The following PRSS12 variants were observed in gnomAD, a reference collection of about 807,000 sequenced individuals.
PRSS12 encodes serine protease 12, also known as neurotrypsin.
PRSS12 carries 85 observed loss-of-function variants against 104.4 expected under a neutral mutation model. The ratio of observed to expected loss-of-function variants is 0.81; its 90% CI spans 0.68 to 0.98. The LOEUF (loss-of-function observed/expected upper bound fraction) is 0.98, where lower values mean the gene tolerates loss of function less well. Among genes scored for constraint, PRSS12 ranks in the 50% least tolerant of loss-of-function variants. The pLI, the probability that PRSS12 is intolerant of heterozygous loss-of-function variation, is 0.00. For synonymous variants in PRSS12, 454 were observed against 425.2 expected (o/e 1.07, Z -0.83); for missense variants, 1,141 against 1,139.2 (o/e 1.00, Z -0.02).
In PRSS12 at chr4:118,281,745, C is replaced by G. The variant is rs1188623384; in HGVS notation, c.*191G>C. The G allele has an allele frequency of 3.3e-6, 2 of 613,278 alleles. No homozygotes were observed. Among genetic ancestry groups the G allele is most frequent in the Non-Finnish European group, 5.8e-6 (2 of 342,660 alleles). 38.0% of individuals were successfully genotyped at this position (613,278 alleles called of 1,614,324 possible). ...TAGAAAATGTTCATTTAAGGATTAT[C>G]ACTTCCACTACACTGAGGCCTCTGA... is the stretch of plus-strand genomic sequence containing the variant. On this transcript the variant is annotated 3_prime_UTR_variant, in exon 13 of 13. Transcript: ENST00000296498.
intron 7 of PRSS12, among the ~76,000 whole-genome samples, chr4:118,309,321 T>C (rs112045673): frequency 2.0e-5 from 3 of 152,320 alleles, no homozygotes; most frequent in African/African-American, 7.2e-5. Context: ...TCACTGTGAC[T>C]TGCATGGGTT....
rs747583846 is a variant in PRSS12, at chr4:118,318,601, G to A, written c.972-45C>T. 2.5e-6 allele frequency: 4 copies of A among 1,576,278 alleles called. No individual in the cohort carries two copies. In the South Asian group the frequency reaches 3.5e-5, roughly 14 times the overall value. ...TAAGGATTCTGGATTAGATACCAAAGATTGGTCTTTTATTTTTTTTTTGTC... is the reference window on the plus strand; with the variant it reads ...TAAGGATTCTGGATTAGATACCAAAAATTGGTCTTTTATTTTTTTTTTGTC... On this transcript the variant is annotated intron_variant, in intron 4 of 12. Transcript: ENST00000296498.
intron 3 of PRSS12, among the ~76,000 whole-genome samples, chr4:118,335,064 T>G (rs921478168): frequency 3.9e-5 from 6 of 152,188 alleles, no homozygotes; most frequent in African/African-American, 1.4e-4. Context: ...ATAATTATAT[T>G]GCATTACACA....
intron 3 of PRSS12, among the ~76,000 whole-genome samples, chr4:118,332,659 T>C (rs1455623660): frequency 6.6e-6 from 1 of 152,210 alleles, no homozygotes; most frequent in African/African-American, 2.4e-5. Flanking sequence ...TCCTCTTGGC[T>C]AGAATGAGGA....
intron 1 of PRSS12, among the ~76,000 whole-genome samples, chr4:118,339,882 C>T (rs1444448633): frequency 6.6e-6 from 1 of 152,146 alleles, no homozygotes; most frequent in Non-Finnish European, 1.5e-5. Context: ...ATTTGTTGAC[C>T]TCAAGCAAAC....
intron 8 of PRSS12, among the ~76,000 whole-genome samples, chr4:118,300,615 C>A (rs149977947): frequency 2.7e-4 from 41 of 151,988 alleles, no homozygotes; most frequent in African/African-American, 9.9e-4. Context: ...TAGGGAAAAA[C>A]TTAATAAAGT....
chr4:118,304,570 T>C (rs941324181), intron 8 of PRSS12, among the ~76,000 whole-genome samples: 2 of 151,878 alleles, frequency 1.3e-5, no homozygotes, highest in African/African-American at 2.4e-5. Context: ...CTAACAAACA[T>C]GTTCAAAAAC....
At chr4:118,330,175 T>C (rs1355255847) in intron 4 of PRSS12, among the ~76,000 whole-genome samples, 1 of 152,150 alleles carries the variant, frequency 6.6e-6, no homozygotes, top group Non-Finnish European at 1.5e-5. Flanking sequence ...CAGGGGGAAA[T>C]CTAACTTTAC....
chr4:118,342,346 T>C (rs914914802), intron 1 of PRSS12, among the ~76,000 whole-genome samples: 2 of 152,200 alleles, frequency 1.3e-5, no homozygotes, highest in Non-Finnish European at 2.9e-5. Context: ...TTATCAAGAA[T>C]TGATCCCTCA....
At chr4:118,351,255 T>C (rs912211156) in intron 1 of PRSS12, among the ~76,000 whole-genome samples, 1 of 152,184 alleles carries the variant, frequency 6.6e-6, no homozygotes, top group African/African-American at 2.4e-5. Context: ...CAGGAAACCC[T>C]TGCCCCACAG....
Position 118,352,839 on chromosome 4 carries a change from C to G in PRSS12, c.-119G>C. The G allele has an allele frequency of 6.7e-7, 1 of 1,498,140 alleles. No individual in the cohort carries two copies. The highest frequency in any genetic ancestry group is 8.9e-7 in the Non-Finnish European group (1 of 1,124,298). 92.8% of individuals were successfully genotyped at this position (1,498,140 alleles called of 1,614,324 possible). A position where few individuals can be genotyped will look rare whatever the true frequency, so the allele number is the denominator to read the frequency against. ...TCGAATCCCCCAGCCCCCTCCCGCC[C>G]CCGCACGCGGACCGCCCTCGCCTCC... On this transcript the variant is annotated 5_prime_UTR_variant, in exon 1 of 13. Transcript: ENST00000296498.
chr4:118,299,068 ATT>A (rs1181959544), intron 8 of PRSS12, 130 bp from the exon 9 acceptor site: 2 of 1,059,258 alleles, frequency 1.9e-6, no homozygotes, highest in Non-Finnish European at 2.8e-6. Context: ...GCTAAAAACC[ATT>A]TGTTTCATGA....
At chr4:118,331,929 G>T in intron 3 of PRSS12, 63 bp from the exon 4 acceptor site, 2 of 1,599,314 alleles carry the variant, frequency 1.3e-6, no homozygotes, top group Non-Finnish European at 1.7e-6. Context: ...ATAAGATTAG[G>T]TATATTCTAT....
At chr4:118,343,176 C>T (rs1724259415) in intron 1 of PRSS12, among the ~76,000 whole-genome samples, 1 of 152,016 alleles carries the variant, frequency 6.6e-6, no homozygotes, top group Admixed American at 6.6e-5. Context: ...ACTGTTTGAG[C>T]CCTGGGGTTA....
At chr4:118,320,596 T>A (rs532580336) in intron 4 of PRSS12, among the ~76,000 whole-genome samples, 2 of 151,652 alleles carry the variant, frequency 1.3e-5, no homozygotes, top group Admixed American at 1.3e-4. Context: ...TACAAAAACA[T>A]ACAAAAATTA....
At chr4:118,316,876 C>T (rs1723451015) in intron 5 of PRSS12, among the ~76,000 whole-genome samples, 1 of 138,810 alleles carries the variant, frequency 7.2e-6, no homozygotes, top group South Asian at 2.3e-4. Context: ...TTTATTGGTA[C>T]CCCTATTCTC....
At chr4:118,348,298 T>C (rs541914753) in intron 1 of PRSS12, among the ~76,000 whole-genome samples, 10 of 152,202 alleles carry the variant, frequency 6.6e-5, no homozygotes, top group Non-Finnish European at 1.0e-4. Context: ...TTTCTAAAAT[T>C]ACACAAAAAG....
At chr4:118,340,041 T>A (rs1422434387) in intron 1 of PRSS12, among the ~76,000 whole-genome samples, 1 of 152,182 alleles carries the variant, frequency 6.6e-6, no homozygotes, top group African/African-American at 2.4e-5. Flanking sequence ...TCATAAGATT[T>A]AAAATAGTGT....
intron 4 of PRSS12, among the ~76,000 whole-genome samples, chr4:118,321,577 T>C (rs1356403911): frequency 6.6e-6 from 1 of 152,162 alleles, no homozygotes; most frequent in Non-Finnish European, 1.5e-5. Flanking sequence ...TGATGCAAAG[T>C]AGGAGCTCAA....
Sources: gnomAD v4.1 joint callset for allele counts (sites outside exome capture counted in the v4.1 genomes callset) on GRCh38, gnomAD v4.1.1 for gene constraint, MANE v1.5 for transcripts, NCBI Gene and HGNC (gene_info 2026-07-23, HGNC 2026-07-21) for gene names.